The following ZBTB7C variants were observed in gnomAD, a reference collection of about 807,000 sequenced individuals.
ZBTB7C encodes the protein zinc finger and BTB domain containing 7C.
Under a neutral mutation model 25.7 loss-of-function variants are expected in ZBTB7C, and 8 were observed. The observed-to-expected ratio is 0.31, with a 90% CI of 0.18 to 0.56. The LOEUF (loss-of-function observed/expected upper bound fraction) is 0.56, where lower values mean the gene tolerates loss of function less well. ZBTB7C is among the 20% of genes least tolerant of loss of function. The probability of loss-of-function intolerance (pLI) is 0.91; values close to 1 mark genes in which losing one functional copy is unlikely to be tolerated. For synonymous variants in ZBTB7C, 394 were observed against 369.0 expected (o/e 1.07, Z -0.78); for missense variants, 824 against 855.2 (o/e 0.96, Z 0.46).
chr18:48,355,359 A>T (rs1458525576), intron 1 of ZBTB7C, among the ~76,000 whole-genome samples: 1 of 152,164 alleles, frequency 6.6e-6, no homozygotes, highest in Non-Finnish European at 1.5e-5. Context: ...TTCAAAATTT[A>T]AAAGAGTCAA....
At chr18:48,119,646 C>A (rs572822023) in intron 3 of ZBTB7C, among the ~76,000 whole-genome samples, 1 of 152,204 alleles carries the variant, frequency 6.6e-6, no homozygotes, top group African/African-American at 2.4e-5. Context: ...GCAGGTCCTC[C>A]TGGCCCAACC....
chr18:48,408,767 C>T (rs987322728), intron 1 of ZBTB7C: 4 of 151,830 alleles, frequency 2.6e-5, no homozygotes, highest in Non-Finnish European at 5.9e-5. Flanking sequence ...GGGCCCGCCC[C>T]GCTCGGGCCC....
At chr18:48,224,163 C>T (rs1032987897) in intron 2 of ZBTB7C, among the ~76,000 whole-genome samples, 1 of 152,200 alleles carries the variant, frequency 6.6e-6, no homozygotes. Flanking sequence ...TCTATGGTCT[C>T]TGCTACTAGC....
chr18:48,367,202 T>TATATATATATATATATATAC (rs1302394192), intron 1 of ZBTB7C, among the ~76,000 whole-genome samples: 15 of 63,400 alleles, frequency 2.4e-4, no homozygotes, highest in African/African-American at 6.1e-4. Context: ...TATATATATA[T>TATATATATATATATATATAC]ACACACACAC....
At chr18:48,250,778 CTT>C (rs112162935) in intron 2 of ZBTB7C, among the ~76,000 whole-genome samples, 10 of 145,234 alleles carry the variant, frequency 6.9e-5, no homozygotes, top group East Asian at 2.0e-4. Flanking sequence ...TTGAAACAAT[CTT>C]TTTTTTTTTT....
chr18:48,249,041 A>C (rs1032427015), intron 2 of ZBTB7C, among the ~76,000 whole-genome samples: 3 of 152,254 alleles, frequency 2.0e-5, no homozygotes, highest in African/African-American at 7.2e-5. Flanking sequence ...AATCTTCACT[A>C]GTAAACAAAG....
chr18:48,375,602 C>A (rs1159943499), intron 1 of ZBTB7C: 1 of 152,248 alleles, frequency 6.6e-6, no homozygotes, highest in Admixed American at 6.5e-5. Flanking sequence ...CACATACACA[C>A]ACACACAGCA....
chr18:48,212,834 AG>A (rs931130196), intron 2 of ZBTB7C, among the ~76,000 whole-genome samples: 9 of 152,080 alleles, frequency 5.9e-5, no homozygotes, highest in Non-Finnish European at 1.3e-4. Flanking sequence ...GAATTTGGAA[AG>A]GAGAGTTAAT....
At chr18:48,255,529 G>C (rs1255011443) in intron 2 of ZBTB7C, among the ~76,000 whole-genome samples, 1 of 152,126 alleles carries the variant, frequency 6.6e-6, no homozygotes, top group African/African-American at 2.4e-5. Context: ...GACCTTCCAA[G>C]AAATTAAGAG....
chr18:48,203,850 C>G lies in ZBTB7C; in HGVS notation c.-78-17855G>C, dbSNP rs10460039. Reference sequence around the variant, plus strand: ...GAAGTGCAAGGTGCAGGCAGCCCCCCACCCCACCAAATAGTCTTTGCAGTA... The same window carrying G: ...GAAGTGCAAGGTGCAGGCAGCCCCCGACCCCACCAAATAGTCTTTGCAGTA... On this transcript the variant is annotated intron_variant, in intron 2 of 4. Transcript: ENST00000590800. Among the ~76,000 whole-genome samples the G allele has an allele frequency of 0.038, 5,790 of 152,296 alleles. 862 individuals are homozygous for G. In the East Asian group the frequency reaches 0.49, roughly 13 times the overall value.
intron 2 of ZBTB7C, among the ~76,000 whole-genome samples, chr18:48,187,886 G>A (rs184462377): frequency 6.2e-4 from 94 of 151,632 alleles, no homozygotes; most frequent in Non-Finnish European, 1.2e-3. Flanking sequence ...GGCAGGGAGA[G>A]GAGAATGAGG....
intron 1 of ZBTB7C, among the ~76,000 whole-genome samples, chr18:48,396,701 C>T (rs1215033786): frequency 1.3e-5 from 2 of 152,180 alleles, no homozygotes; most frequent in East Asian, 3.8e-4. Flanking sequence ...ATCTGTTAGC[C>T]TTCAACTCCT....
chr18:48,069,123 G>A (rs959725368), intron 3 of ZBTB7C, among the ~76,000 whole-genome samples: 9 of 152,214 alleles, frequency 5.9e-5, no homozygotes, highest in African/African-American at 2.2e-4. Context: ...CCAGGGCAGG[G>A]CACAGAGTAG....
intron 2 of ZBTB7C, among the ~76,000 whole-genome samples, chr18:48,247,396 T>C (rs185256729): frequency 5.4e-4 from 82 of 152,374 alleles, no homozygotes; most frequent in African/African-American, 1.9e-3. Flanking sequence ...CTGTATATGA[T>C]GTGATTACAT....
chr18:48,159,737 T>C (rs78453975), intron 3 of ZBTB7C, among the ~76,000 whole-genome samples: 3,103 of 152,330 alleles, frequency 0.02, 112 homozygotes, highest in African/African-American at 0.071. Context: ...GACCTGAATT[T>C]CTCCTACTTT....
chr18:48,179,599 G>A (rs1047669748), intron 3 of ZBTB7C, among the ~76,000 whole-genome samples: 1 of 152,180 alleles, frequency 6.6e-6, no homozygotes, highest in African/African-American at 2.4e-5. Flanking sequence ...GGAGGGACAG[G>A]AAAGGAGCAT....
At chr18:48,135,935 G>A (rs569121193) in intron 3 of ZBTB7C, among the ~76,000 whole-genome samples, 2 of 152,356 alleles carry the variant, frequency 1.3e-5, no homozygotes, top group East Asian at 3.9e-4. Context: ...TTAAAAGAAA[G>A]AAGGCAGCCG....
intron 2 of ZBTB7C, among the ~76,000 whole-genome samples, chr18:48,308,061 T>G (rs962956208): frequency 6.6e-6 from 1 of 152,168 alleles, no homozygotes; most frequent in Non-Finnish European, 1.5e-5. Flanking sequence ...GTTGGACTTT[T>G]GTATACTCAT....
chr18:48,194,147 A>G (rs931697139), intron 2 of ZBTB7C, among the ~76,000 whole-genome samples: 3 of 152,226 alleles, frequency 2.0e-5, no homozygotes, highest in South Asian at 2.1e-4. Flanking sequence ...AGCCTGTCCA[A>G]GGAACAAAGG....
Sources: gnomAD v4.1 joint callset for allele counts (sites outside exome capture counted in the v4.1 genomes callset) on GRCh38, gnomAD v4.1.1 for gene constraint, MANE v1.5 for transcripts, NCBI Gene and HGNC (gene_info 2026-07-23, HGNC 2026-07-21) for gene names.